Variants in DNAH11 observed in about 807,000 individuals in gnomAD.
DNAH11 encodes the protein axonemal beta dynein heavy chain 11.
Under a neutral mutation model 526.0 loss-of-function variants are expected in DNAH11, and 442 were observed. The observed-to-expected ratio is 0.84, with a 90% CI of 0.78 to 0.91. The LOEUF (loss-of-function observed/expected upper bound fraction) is 0.91. Ranked by LOEUF, DNAH11 falls within the 40% of genes least tolerant of loss-of-function variation. The pLI is 0.00. For missense variants in DNAH11, 6,989 were observed against 5,448.7 expected (o/e 1.28, Z -8.90); for synonymous variants, 2,461 against 1,935.9 (o/e 1.27, Z -7.12).
At chr7:21,850,420 G>C (rs1163900878) in intron 66 of DNAH11, among the ~76,000 whole-genome samples, 1 of 150,464 alleles carries the variant, frequency 6.6e-6, no homozygotes, top group African/African-American at 2.4e-5. Context: ...TGTTTTTTAT[G>C]TCTAGCATTT....
At chr7:21,634,431 G>A (rs1770093265) in intron 25 of DNAH11, among the ~76,000 whole-genome samples, 1 of 152,326 alleles carries the variant, frequency 6.6e-6, no homozygotes. Context: ...TCATAGAGAA[G>A]TCAAGGCATG....
At chr7:21,880,673 A>G (rs1458559406) in intron 74 of DNAH11, 29 bp from the exon 75 acceptor site, 1 of 1,611,474 alleles carries the variant, frequency 6.2e-7, no homozygotes, top group Non-Finnish European at 8.5e-7. Flanking sequence ...ACAGATGGAT[A>G]ATCAAGCATT....
rs781116115 is a variant in DNAH11 at position 21,717,936 on chromosome 7, G to A, written c.7134+11G>A. On this transcript the variant is annotated intron_variant, in intron 43 of 81. Transcript: ENST00000409508. ...AGTAGCCTGGTGCAGGTTTGTCTTCGGTTACGCCATTTAACGTTCTAGTTC... is the reference window on the plus strand; with the variant it reads ...AGTAGCCTGGTGCAGGTTTGTCTTCAGTTACGCCATTTAACGTTCTAGTTC... 2.4e-5 allele frequency: 39 copies of A among 1,607,546 alleles called. No homozygotes were observed. In the East Asian group the frequency reaches 6.0e-4, roughly 25 times the overall value.
intron 20 of DNAH11, among the ~76,000 whole-genome samples, chr7:21,607,164 G>A (rs528563953): frequency 2.0e-5 from 3 of 152,166 alleles, no homozygotes; most frequent in East Asian, 3.9e-4. Context: ...GCAAGCTGGT[G>A]TAGGTCCAAG....
chr7:21,840,830 A>C (rs1782177815), intron 65 of DNAH11, among the ~76,000 whole-genome samples: 1 of 152,228 alleles, frequency 6.6e-6, no homozygotes, highest in Non-Finnish European at 1.5e-5. Flanking sequence ...GTTGAGGCAG[A>C]CAAGGATTTG....
In DNAH11 at chr7:21,683,841, A is replaced by G. The variant is rs1423216197; in HGVS notation, c.5518A>G (p.Thr1840Ala). ...TCAACTTCGTCACCGATGGGAGGAT[A>G]CCCAGAAACACTGCTTTGTTAATAT... is the stretch of plus-strand genomic sequence containing the variant. ...LSQLRHRWED[T>A]QKHCFVNICD... The change falls in exon 32 of 82, where the codon ACC (threonine) becomes GCC (alanine). Residue 1840 changes from threonine to alanine, a missense_variant. Physicochemically the swap from Thr to Ala is moderately conservative, Grantham distance 58. Transcript: ENST00000409508. 1.2e-6 allele frequency: 2 copies of G among 1,613,130 alleles called. No homozygotes were observed. Among genetic ancestry groups the G allele is most frequent in the Non-Finnish European group, 1.7e-6 (2 of 1,179,536 alleles).
chr7:21,799,080 A>G (rs1029148990), intron 61 of DNAH11, among the ~76,000 whole-genome samples: 2 of 152,206 alleles, frequency 1.3e-5, no homozygotes, highest in Non-Finnish European at 2.9e-5. Context: ...ATATTATTCT[A>G]TAAATCATCA....
chr7:21,612,873 T>C (rs117485005), intron 20 of DNAH11, among the ~76,000 whole-genome samples: 7,144 of 152,326 alleles, frequency 0.047, 228 homozygotes, highest in Non-Finnish European at 0.073. Flanking sequence ...TCAGTGTAAT[T>C]AATTGCATTA....
At chr7:21,582,321 C>T (rs549094489) in intron 9 of DNAH11, among the ~76,000 whole-genome samples, 1 of 152,190 alleles carries the variant, frequency 6.6e-6, no homozygotes. Context: ...AAAATTAAGT[C>T]ACAGTGAAAA....
At chr7:21,598,825 G>T (rs1784962981) in intron 14 of DNAH11, among the ~76,000 whole-genome samples, 1 of 152,092 alleles carries the variant, frequency 6.6e-6, no homozygotes. Flanking sequence ...ACTTAAAAGT[G>T]AGAAAATGCA....
At chr7:21,633,244 C>T (rs1008273018) in intron 25 of DNAH11, among the ~76,000 whole-genome samples, 2 of 152,160 alleles carry the variant, frequency 1.3e-5, no homozygotes, top group Non-Finnish European at 2.9e-5. Flanking sequence ...TATGATCTGT[C>T]TTGGAGAATG....
intron 14 of DNAH11, among the ~76,000 whole-genome samples, chr7:21,592,511 G>T (rs1368145320): frequency 1.3e-5 from 2 of 152,188 alleles, no homozygotes; most frequent in Non-Finnish European, 2.9e-5. Context: ...ATTATGTGGG[G>T]TTAGCAGGCT....
Position 21,681,682 on chromosome 7 carries a change from G to C in DNAH11, c.5460+5G>C, listed in dbSNP as rs1180975237. 2 of 1,613,812 alleles carry C rather than the reference G, an allele frequency of 1.2e-6. No individual in the cohort carries two copies. The highest frequency in any genetic ancestry group is 4.5e-5 in the East Asian group (2 of 44,870). ...GCAAAACTTATTTCTCAGAAGGCAA[G>C]TTGTTTGTAGAAATTTTATGTATTC... On this transcript the variant is annotated splice_donor_5th_base_variant and intron_variant, in intron 31 of 81. Coordinates refer to ENST00000409508, the MANE Select transcript of DNAH11 (RefSeq NM_001277115.2).
chr7:21,630,149 C>T (rs1193306307), intron 25 of DNAH11, among the ~76,000 whole-genome samples: 2 of 151,806 alleles, frequency 1.3e-5, no homozygotes, highest in Non-Finnish European at 1.5e-5. Flanking sequence ...GAGATGACAA[C>T]TTATATTAGA....
chr7:21,599,645 G>A lies in DNAH11; in HGVS notation c.2668-142G>A, dbSNP rs1268993309. ...TTAGATCTTTGACATCTAGCTTAAG[G>A]TTCTGCAACTTAGTATTTGAATGTT... On this transcript the variant is annotated intron_variant, in intron 14 of 81. Transcript: ENST00000409508. 7.3e-6 allele frequency: 4 copies of A among 549,218 alleles called. No individual in the cohort carries two copies. The Admixed American group carries it at 1.5e-4, about 21-fold the overall frequency. The allele number at this position is 549,218 out of a possible 1,614,324, so 34.0% of individuals were successfully genotyped here.
intron 42 of DNAH11, among the ~76,000 whole-genome samples, chr7:21,715,275 G>A (rs1784610235): frequency 6.6e-6 from 1 of 152,130 alleles, no homozygotes; most frequent in South Asian, 2.1e-4. Flanking sequence ...TGAGAACTTT[G>A]GCTACTCTAG....
At chr7:21,577,178 T>C (rs895003751) in intron 8 of DNAH11, among the ~76,000 whole-genome samples, 10 of 152,206 alleles carry the variant, frequency 6.6e-5, no homozygotes, top group Non-Finnish European at 1.3e-4. Context: ...AGTAAAAGCC[T>C]GATCTCTCCC....
intron 30 of DNAH11, among the ~76,000 whole-genome samples, chr7:21,673,677 C>G (rs1036284370): frequency 1.3e-5 from 2 of 152,134 alleles, no homozygotes; most frequent in Admixed American, 6.6e-5. Flanking sequence ...ATGCCCAACT[C>G]CCTCATTACT....
chr7:21,644,422 G>T (rs978199709), intron 28 of DNAH11, among the ~76,000 whole-genome samples: 4 of 152,108 alleles, frequency 2.6e-5, no homozygotes, highest in African/African-American at 9.7e-5. Context: ...AAATTAATAG[G>T]AAAAAGACTC....
Sources: gnomAD v4.1 joint callset for allele counts (sites outside exome capture counted in the v4.1 genomes callset) on GRCh38, gnomAD v4.1.1 for gene constraint, MANE v1.5 for transcripts, NCBI Gene and HGNC (gene_info 2026-07-23, HGNC 2026-07-21) for gene names.